THSD4: variants seen among roughly 807,000 people sequenced by gnomAD.
THSD4 encodes the protein thrombospondin type-1 domain-containing protein 4.
THSD4 carries 69 observed loss-of-function variants against 119.0 expected under a neutral mutation model. The observed-to-expected ratio is 0.58, with a 90% CI of 0.48 to 0.71. THSD4 has a LOEUF of 0.71. THSD4 is among the 30% of genes least tolerant of loss of function. The pLI is 0.00. For synonymous variants in THSD4, 524 were observed against 540.4 expected, an observed-to-expected ratio of 0.97 and a Z score of 0.42; for missense variants, 1,393 against 1,391.1, an observed-to-expected ratio of 1.00 and a Z score of -0.02.
rs572609552 is a variant in THSD4, at chr15:71,568,962, A to T, written c.1153-91568A>T. The stretch of plus-strand genomic sequence containing the variant: ...TTTTTACTGCTTGTCTATAGAGTAT[A>T]TGACAAATTTTCTTTAATCAGCATG... On this transcript the variant is annotated intron_variant, in intron 7 of 17. Transcript: ENST00000261862. Among the ~76,000 whole-genome samples, 67 of 152,334 alleles carry T rather than the reference A, an allele frequency of 4.4e-4. 1 individual carries two copies. The South Asian group carries it at 0.014, about 31-fold the overall frequency.
chr15:71,563,077 T>A (rs983808546), intron 7 of THSD4, among the ~76,000 whole-genome samples: 5 of 152,162 alleles, frequency 3.3e-5, no homozygotes, highest in Non-Finnish European at 5.9e-5. Flanking sequence ...AACATTCTGG[T>A]CTCCCAGTAA....
intron 6 of THSD4, among the ~76,000 whole-genome samples, chr15:71,288,501 G>T (rs1260083470): frequency 1.3e-5 from 2 of 152,098 alleles, no homozygotes; most frequent in African/African-American, 4.8e-5. Flanking sequence ...GAGGGTGGGG[G>T]CTGAAAGTCA....
intron 6 of THSD4, among the ~76,000 whole-genome samples, chr15:71,302,141 G>A (rs1358257597): frequency 6.6e-6 from 1 of 152,194 alleles, no homozygotes; most frequent in African/African-American, 2.4e-5. Context: ...GCTGCCAAGT[G>A]TCGTTGTGAG....
chr15:71,183,726 A>G (rs557114261), intron 3 of THSD4, among the ~76,000 whole-genome samples: 1 of 151,566 alleles, frequency 6.6e-6, no homozygotes, highest in African/African-American at 2.4e-5. Flanking sequence ...CTTTCCTTCT[A>G]TCTACCCAGG....
At chr15:71,446,229 C>T (rs575327152) in intron 7 of THSD4, among the ~76,000 whole-genome samples, 4 of 152,288 alleles carry the variant, frequency 2.6e-5, no homozygotes, top group East Asian at 3.9e-4. Flanking sequence ...TTCTTCTTCC[C>T]GCCATCACTT....
intron 6 of THSD4, among the ~76,000 whole-genome samples, chr15:71,258,166 ATTGT>A (rs2044342303): frequency 1.3e-5 from 2 of 151,828 alleles, no homozygotes; most frequent in South Asian, 4.2e-4. Context: ...GTTTTTATAA[ATTGT>A]TTGTTTTTTG....
At chr15:71,705,205 G>A (rs913401882) in intron 8 of THSD4, among the ~76,000 whole-genome samples, 6 of 152,188 alleles carry the variant, frequency 3.9e-5, no homozygotes, top group East Asian at 1.9e-4. Context: ...ATGGGCACCC[G>A]GAGCCAGCCC....
chr15:71,128,673 G>A (rs148291026), intron 1 of THSD4, among the ~76,000 whole-genome samples: 2 of 152,158 alleles, frequency 1.3e-5, no homozygotes, highest in African/African-American at 2.4e-5. Flanking sequence ...CAAACTTAGA[G>A]ATTCAAGAAG....
At chr15:71,215,452 C>G in intron 4 of THSD4, 53 bp downstream of exon 4, 1 of 1,446,840 alleles carries the variant, frequency 6.9e-7, no homozygotes, top group Non-Finnish European at 9.1e-7. Context: ...CAGTATCTGC[C>G]CCTGTCCCTG....
At chr15:71,635,382 C>G (rs2050719600) in intron 7 of THSD4, among the ~76,000 whole-genome samples, 1 of 152,146 alleles carries the variant, frequency 6.6e-6, no homozygotes, top group Non-Finnish European at 1.5e-5. Flanking sequence ...CACACACACA[C>G]ACACACACTC....
At chr15:71,287,140 TA>T (rs1273636841) in intron 6 of THSD4, among the ~76,000 whole-genome samples, 1 of 152,214 alleles carries the variant, frequency 6.6e-6, no homozygotes, top group Non-Finnish European at 1.5e-5. Context: ...AAATTAATAC[TA>T]AACAGTGTGA....
intron 8 of THSD4, among the ~76,000 whole-genome samples, chr15:71,673,763 A>G (rs919410224): frequency 6.6e-6 from 1 of 152,178 alleles, no homozygotes; most frequent in Non-Finnish European, 1.5e-5. Context: ...TAGTCATTTC[A>G]GGAGCAGGTT....
chr15:71,100,769 C>A (rs1044483030), intron 1 of THSD4, among the ~76,000 whole-genome samples: 2 of 152,000 alleles, frequency 1.3e-5, no homozygotes, highest in African/African-American at 4.8e-5. Context: ...CACTTGAGCC[C>A]AGGAGTTTGA....
At chr15:71,392,262 T>C (rs1677974720) in intron 6 of THSD4, among the ~76,000 whole-genome samples, 1 of 152,214 alleles carries the variant, frequency 6.6e-6, no homozygotes, top group Admixed American at 6.5e-5. Context: ...AATGCAGACA[T>C]TCCCCTACTT....
intron 7 of THSD4, among the ~76,000 whole-genome samples, chr15:71,629,471 T>A (rs1021673750): frequency 2.0e-5 from 3 of 152,280 alleles, no homozygotes; most frequent in Middle Eastern, 3.4e-3. Flanking sequence ...TGGGCCTCCG[T>A]GTTCCCTGTG....
intron 6 of THSD4, among the ~76,000 whole-genome samples, chr15:71,384,630 T>G (rs994414304): frequency 2.0e-5 from 3 of 152,192 alleles, no homozygotes; most frequent in Non-Finnish European, 4.4e-5. Flanking sequence ...GCAATAAAAT[T>G]TTTGAAACCT....
chr15:71,122,034 A>T (rs1448332210), intron 1 of THSD4, among the ~76,000 whole-genome samples: 2 of 152,066 alleles, frequency 1.3e-5, no homozygotes, highest in Non-Finnish European at 2.9e-5. Context: ...TTGAAGTCTC[A>T]TTACAGGGCG....
chr15:71,572,078 G>C (rs896659895), intron 7 of THSD4, among the ~76,000 whole-genome samples: 1 of 151,890 alleles, frequency 6.6e-6, no homozygotes, highest in Non-Finnish European at 1.5e-5. Flanking sequence ...AGAGAAACAG[G>C]GATGGATATT....
At chr15:71,508,168 C>T (rs2048220974) in intron 7 of THSD4, among the ~76,000 whole-genome samples, 1 of 152,144 alleles carries the variant, frequency 6.6e-6, no homozygotes, top group African/African-American at 2.4e-5. Flanking sequence ...GAAGCCAGCC[C>T]TTCAGGAGTT....
Sources: gnomAD v4.1 joint callset for allele counts (sites outside exome capture counted in the v4.1 genomes callset) on GRCh38, gnomAD v4.1.1 for gene constraint, MANE v1.5 for transcripts, NCBI Gene and HGNC (gene_info 2026-07-23, HGNC 2026-07-21) for gene names.